The following TP63 variants were observed in gnomAD, a reference collection of about 807,000 sequenced individuals.
TP63 encodes tumor protein 63.
A neutral mutation model predicts 82.8 loss-of-function variants in TP63; 17 were observed. The ratio of observed to expected loss-of-function variants is 0.21; its 90% CI spans 0.14 to 0.31. The LOEUF (loss-of-function observed/expected upper bound fraction) is 0.31. TP63 is among the 10% of genes least tolerant of loss of function. TP63 has a pLI of 1.00. For synonymous variants in TP63, 330 were observed against 321.7 expected, an observed-to-expected ratio of 1.03 and a Z score of -0.28; for missense variants, 648 against 895.3, an observed-to-expected ratio of 0.72 and a Z score of 3.52.
At chr3:189,606,295 C>T in the TP63 span, among the ~76,000 whole-genome samples, 2 of 151,808 alleles carry the variant, frequency 1.3e-5, no homozygotes, top group Non-Finnish European at 2.9e-5. Context: ...CCATTCCAGG[C>T]CTCAGGAAAA....
rs9843262 is a variant in TP63 at position 189,878,593 on chromosome 3, C to T, written c.1349+5598C>T. On this transcript the variant is annotated intron_variant, in intron 10 of 13. Coordinates refer to ENST00000264731, the MANE Select transcript of TP63 (RefSeq NM_003722.5). ...GATATATATATATAATTTTTTTTTT[C>T]TTTTTTTTTTTTTTTAGTAGAGACG... 3.1e-4 allele frequency among the ~76,000 whole-genome samples: 40 copies of T among 130,372 alleles called. No homozygotes were observed. The South Asian group carries it at 5.3e-3, about 17-fold the overall frequency. The allele number at this position is 130,372 out of a possible 152,430, so 85.5% of individuals were successfully genotyped here.
At chr3:189,860,526 G>A (rs781713605) in intron 4 of TP63, among the ~76,000 whole-genome samples, 6 of 152,120 alleles carry the variant, frequency 3.9e-5, no homozygotes, top group Admixed American at 6.5e-5. Flanking sequence ...GAATAGCAGA[G>A]ATTTGGCTTT....
At chr3:189,719,967 G>T (rs1719257704) in intron 1 of TP63, among the ~76,000 whole-genome samples, 4 of 152,120 alleles carry the variant, frequency 2.6e-5, no homozygotes, top group Non-Finnish European at 1.5e-5. Flanking sequence ...TTTCTAAAAG[G>T]ATATTAAAGA....
At chr3:189,717,728 C>T (rs989706914) in intron 1 of TP63, among the ~76,000 whole-genome samples, 2 of 152,174 alleles carry the variant, frequency 1.3e-5, no homozygotes, top group African/African-American at 4.8e-5. Flanking sequence ...GAGGATATCT[C>T]TTCTGTGCTG....
At chr3:189,885,522 C>T (rs1317828334) in intron 10 of TP63, among the ~76,000 whole-genome samples, 1 of 152,218 alleles carries the variant, frequency 6.6e-6, no homozygotes, top group African/African-American at 2.4e-5. Context: ...AGGAAGGCTT[C>T]ATCTCTGACT....
chr3:189,736,226 C>T (rs1350688602), intron 1 of TP63, among the ~76,000 whole-genome samples: 1 of 150,992 alleles, frequency 6.6e-6, no homozygotes, highest in Non-Finnish European at 1.5e-5. Context: ...GTCTCTCTCA[C>T]CATAAGTACA....
At chr3:189,652,538 G>T (rs1204395369) in intron 1 of TP63, among the ~76,000 whole-genome samples, 1 of 146,794 alleles carries the variant, frequency 6.8e-6, no homozygotes. Flanking sequence ...TGAGACTTTG[G>T]GCTTGGACTT....
At chr3:189,852,682 T>G (rs891420272) in intron 4 of TP63, among the ~76,000 whole-genome samples, 107 of 152,292 alleles carry the variant, frequency 7.0e-4, no homozygotes, top group African/African-American at 2.5e-3. Context: ...CCTTTGTATT[T>G]CTGAATACAA....
chr3:189,669,566 A>G (rs1230294433), intron 1 of TP63, among the ~76,000 whole-genome samples: 1 of 152,060 alleles, frequency 6.6e-6, no homozygotes, highest in Non-Finnish European at 1.5e-5. Context: ...TGGGTTTATA[A>G]AATCTGTAAG....
At chr3:189,604,917 A>G in the TP63 span, among the ~76,000 whole-genome samples, 1 of 152,192 alleles carries the variant, frequency 6.6e-6, no homozygotes, top group Non-Finnish European at 1.5e-5. Flanking sequence ...TTCCTAAGCC[A>G]CCCAGGAAAG....
rs1298677651 is a variant in TP63 at position 189,878,594 on chromosome 3, T to C, written c.1349+5599T>C. Among the ~76,000 whole-genome samples the C allele has an allele frequency of 2.9e-3, 29 of 10,028 alleles. No individual in the cohort carries two copies. The South Asian group carries it at 0.056, about 19-fold the overall frequency. 6.6% of individuals were successfully genotyped at this position (10,028 alleles called of 152,430 possible). ...ATATATATATATAATTTTTTTTTTC[T>C]TTTTTTTTTTTTTTAGTAGAGACGG... On this transcript the variant is annotated intron_variant, in intron 10 of 13. Transcript: ENST00000264731.
intron 13 of TP63, among the ~76,000 whole-genome samples, chr3:189,892,616 C>A (rs1721130810): frequency 6.6e-6 from 1 of 152,110 alleles, no homozygotes; most frequent in South Asian, 2.1e-4. Context: ...CACGGTGAAA[C>A]CCTGTCTCTA....
chr3:189,866,463 T>C (rs568906234), intron 5 of TP63, among the ~76,000 whole-genome samples: 8 of 152,334 alleles, frequency 5.3e-5, no homozygotes, highest in African/African-American at 1.9e-4. Flanking sequence ...CCCTTAACTG[T>C]AGATGTGCAT....
chr3:189,889,197 AAG>A, intron 11 of TP63, 141 bp from the exon 12 acceptor site: 1 of 1,173,828 alleles, frequency 8.5e-7, no homozygotes, highest in Non-Finnish European at 1.3e-6. Flanking sequence ...AGGCTGTTTG[AAG>A]GGGTGTAGTG....
chr3:189,769,893 T>C (rs981315601), intron 3 of TP63, among the ~76,000 whole-genome samples: 1 of 152,188 alleles, frequency 6.6e-6, no homozygotes, highest in African/African-American at 2.4e-5. Flanking sequence ...CTGAATAAAT[T>C]TTCTAAAAAG....
At chr3:189,741,058 A>G (rs2108506879) in intron 3 of TP63, among the ~76,000 whole-genome samples, 1 of 152,338 alleles carries the variant, frequency 6.6e-6, no homozygotes, top group East Asian at 1.9e-4. Context: ...GAGAGCTAAA[A>G]GACAAAATGA....
intron 4 of TP63, among the ~76,000 whole-genome samples, chr3:189,835,684 G>C (rs1219717922): frequency 1.3e-5 from 2 of 151,928 alleles, no homozygotes; most frequent in Non-Finnish European, 2.9e-5. Context: ...AGCACTTTGG[G>C]AGACCGAGGC....
intron 1 of TP63, among the ~76,000 whole-genome samples, chr3:189,670,831 C>T (rs1714826855): frequency 6.6e-6 from 1 of 152,030 alleles, no homozygotes; most frequent in South Asian, 2.1e-4. Flanking sequence ...ATAAATAGTA[C>T]TGGGAAAGCC....
chr3:189,741,440 G>A (rs199712396), intron 3 of TP63, among the ~76,000 whole-genome samples: 1 of 115,206 alleles, frequency 8.7e-6, no homozygotes, highest in Non-Finnish European at 1.9e-5. Flanking sequence ...TTTCTGAACT[G>A]CTACAACGGG....
Sources: allele counts gnomAD v4.1 joint callset (sites outside exome capture counted in the v4.1 genomes callset), GRCh38; gene constraint gnomAD v4.1.1; transcripts MANE v1.5; gene names NCBI Gene and HGNC (gene_info 2026-07-23, HGNC 2026-07-21).